The following TTLL6 variants were observed in gnomAD, a reference collection of about 807,000 sequenced individuals.
The protein encoded by TTLL6 is tubulin tyrosine ligase like 6, also known as tubulin polyglutamylase TTLL6.
In TTLL6, 75 loss-of-function variants were observed where a neutral mutation model predicts 96.4. That is an observed-to-expected ratio of 0.78 (90% CI 0.65 to 0.94). The LOEUF (loss-of-function observed/expected upper bound fraction) is 0.94, where lower values mean the gene tolerates loss of function less well. Ranked by LOEUF, TTLL6 falls within the 40% of genes least tolerant of loss-of-function variation. TTLL6 has a pLI of 0.00. For synonymous variants in TTLL6, 411 were observed against 419.4 expected (o/e 0.98, Z 0.24); for missense variants, 1,030 against 1,093.0 (o/e 0.94, Z 0.81).
chr17:48,770,510 G>GTTGTTATTATTATTATTA (rs1555563118), intron 13 of TTLL6, among the ~76,000 whole-genome samples: 7 of 147,812 alleles, frequency 4.7e-5, no homozygotes, highest in Admixed American at 1.4e-4. Flanking sequence ...TATTGTTGTT[G>GTTGTTATTATTATTATTA]TTATTATTAT....
chr17:48,796,148 TGG>T lies in TTLL6; in HGVS notation c.913-4_913-3del. The T allele has an allele frequency of 6.4e-7, 1 of 1,550,892 alleles. No homozygotes were observed. The highest frequency in any genetic ancestry group is 8.7e-7 in the Non-Finnish European group (1 of 1,146,450). On this transcript the variant is annotated splice_region_variant and splice_polypyrimidine_tract_variant and intron_variant, in intron 7 of 15. Coordinates refer to ENST00000393382, the MANE Select transcript of TTLL6 (RefSeq NM_001130918.3). Reference sequence around the variant, plus strand: ...AGTCAGGTGCATGCAGATATCATCCTGGGGAAAAAGACACACATCTGTCGGGT... The same window carrying T: ...AGTCAGGTGCATGCAGATATCATCCTGGAAAAAGACACACATCTGTCGGGT...
At chr17:48,797,262 T>A (rs2039333411) in intron 6 of TTLL6, 58 bp from the exon 7 acceptor site, 1 of 1,497,184 alleles carries the variant, frequency 6.7e-7, no homozygotes, top group South Asian at 1.3e-5. Flanking sequence ...CACTTGAAAA[T>A]CACTAGCTCC....
Position 48,788,003 on chromosome 17 carries a change from T to C in TTLL6, c.1401-4A>G. On this transcript the variant is annotated splice_region_variant and splice_polypyrimidine_tract_variant and intron_variant, in intron 10 of 15. Coordinates refer to ENST00000393382, the MANE Select transcript of TTLL6 (RefSeq NM_001130918.3). ...GAAACCCTTGGCTTCCTCAATCCTG[T>C]TGGGAAGCAGAACATGGGGCTGCTG... is the stretch of plus-strand genomic sequence containing the variant. 1.2e-6 allele frequency: 2 copies of C among 1,612,616 alleles called. No individual in the cohort carries two copies. Among genetic ancestry groups the C allele is most frequent in the Non-Finnish European group, 1.7e-6 (2 of 1,179,182 alleles).
intron 13 of TTLL6, among the ~76,000 whole-genome samples, chr17:48,775,760 C>T (rs1383313640): frequency 1.3e-5 from 2 of 152,054 alleles, no homozygotes; most frequent in Non-Finnish European, 2.9e-5. Flanking sequence ...AGGCTAGTCT[C>T]GACCTCCCAA....
intron 8 of TTLL6, among the ~76,000 whole-genome samples, chr17:48,793,770 T>C (rs545101846): frequency 4.8e-4 from 73 of 152,194 alleles, no homozygotes; most frequent in Admixed American, 4.1e-3. Context: ...AGTTTCCTAA[T>C]ATGCAGAATA....
intron 1 of TTLL6, among the ~76,000 whole-genome samples, chr17:48,814,126 T>G (rs1042762856): frequency 1.3e-5 from 2 of 151,896 alleles, no homozygotes; most frequent in Admixed American, 6.6e-5. Flanking sequence ...GGAGACCAAG[T>G]TGGCAAACAT....
chr17:48,814,134 C>T (rs2039631362), intron 1 of TTLL6, among the ~76,000 whole-genome samples: 1 of 151,950 alleles, frequency 6.6e-6, no homozygotes, highest in African/African-American at 2.4e-5. Context: ...AGTTGGCAAA[C>T]ATGGTGAAAC....
intron 13 of TTLL6, among the ~76,000 whole-genome samples, chr17:48,778,569 G>A (rs564267273): frequency 9.0e-4 from 136 of 151,668 alleles, no homozygotes; most frequent in Non-Finnish European, 1.5e-3. Context: ...GCTGAGGTGG[G>A]AGGATTGCTT....
intron 6 of TTLL6, among the ~76,000 whole-genome samples, chr17:48,799,022 T>G (rs114371005): frequency 0.016 from 2,399 of 152,200 alleles, 68 homozygotes; most frequent in African/African-American, 0.054. Flanking sequence ...GGTTTCGTCA[T>G]GTTTCCCAGG....
At chr17:48,801,204 T>C in intron 5 of TTLL6, 51 bp downstream of exon 5, 2 of 1,515,252 alleles carry the variant, frequency 1.3e-6, no homozygotes, top group Non-Finnish European at 1.8e-6. Flanking sequence ...CAAGAGGAAA[T>C]GTAAATGGGG....
intron 10 of TTLL6, among the ~76,000 whole-genome samples, chr17:48,789,266 T>C (rs1309237121): frequency 1.3e-5 from 2 of 152,218 alleles, no homozygotes; most frequent in African/African-American, 4.8e-5. Context: ...AGAGTAAAAC[T>C]ATTCAAACTG....
At chr17:48,799,889 A>G in intron 5 of TTLL6, 129 bp from the exon 6 acceptor site, 1 of 810,460 alleles carries the variant, frequency 1.2e-6, no homozygotes, top group Non-Finnish European at 1.9e-6. Flanking sequence ...ACAGATGCCC[A>G]GAGGTCCAGC....
intron 8 of TTLL6, among the ~76,000 whole-genome samples, chr17:48,793,977 G>C (rs2039274870): frequency 1.3e-5 from 2 of 152,150 alleles, no homozygotes; most frequent in African/African-American, 4.8e-5. Context: ...CACCCATTCT[G>C]GGAAATGCTG....
In TTLL6 at chr17:48,791,400, T is replaced by C. The variant is rs955035018; in HGVS notation, c.1202A>G (p.Lys401Arg). The C allele has an allele frequency of 1.2e-6, 2 of 1,613,980 alleles. No homozygotes were observed. Among genetic ancestry groups the C allele is most frequent in the Non-Finnish European group, 8.5e-7 (1 of 1,180,026 alleles). The change falls in exon 9 of 16, where the codon AAA (lysine) becomes AGA (arginine). Residue 401 changes from lysine (K) to arginine (R), a missense_variant. Transcript: ENST00000393382. ...TACCTCCAGCAGCCAGGGTTTGAGT[T>C]TGTGGTCCAACAAAATGTCAAAGCC... ...ILGFDILLDH[K>R]LKPWLLEVNH...
Position 48,796,067 on chromosome 17 carries a change from C to G in TTLL6, c.992G>C (p.Ser331Thr). The G allele has an allele frequency of 6.4e-7, 1 of 1,551,256 alleles. No homozygotes were observed. Among genetic ancestry groups the G allele is most frequent in the South Asian group, 1.2e-5 (1 of 84,008 alleles). ...SNFSRDAHSG[S>T]KRKLSTFSAY... Reference sequence around the variant, plus strand: ...AATGAAGCCTCTTCCTTACCTCTTACTGCCAGAGTGTGCATCTCGACTGAA... The same window carrying G: ...AATGAAGCCTCTTCCTTACCTCTTAGTGCCAGAGTGTGCATCTCGACTGAA... The change falls in exon 8 of 16, where the codon AGT (serine) becomes ACT (threonine). Residue 331 changes from serine (S) to threonine (T), a missense_variant. By Grantham distance (58) the Ser-to-Thr change is moderately conservative (BLOSUM62 1). Transcript: ENST00000393382.
At chr17:48,778,779 A>C (rs548712182) in intron 13 of TTLL6, among the ~76,000 whole-genome samples, 1 of 152,046 alleles carries the variant, frequency 6.6e-6, no homozygotes, top group East Asian at 1.9e-4. Context: ...AAAATACAAA[A>C]ATTAGCTGGG....
At chr17:48,797,653 G>C (rs538381428) in intron 6 of TTLL6, among the ~76,000 whole-genome samples, 21 of 152,018 alleles carry the variant, frequency 1.4e-4, no homozygotes, top group South Asian at 8.3e-4. Context: ...CAGGCGCGGT[G>C]GTGGGCCCCT....
intron 1 of TTLL6, among the ~76,000 whole-genome samples, chr17:48,807,212 C>T (rs930426318): frequency 4.6e-5 from 7 of 151,532 alleles, no homozygotes; most frequent in African/African-American, 1.5e-4. Context: ...CTCAGCCTCC[C>T]GAGTAGCTGG....
chr17:48,777,724 C>A (rs529377404), intron 13 of TTLL6, among the ~76,000 whole-genome samples: 1 of 142,142 alleles, frequency 7.0e-6, no homozygotes, highest in African/African-American at 2.5e-5. Flanking sequence ...GAGTGAGACT[C>A]CGTCTCAAAA....
Sources: allele counts gnomAD v4.1 joint callset (sites outside exome capture counted in the v4.1 genomes callset), GRCh38; gene constraint gnomAD v4.1.1; transcripts MANE v1.5; gene names NCBI Gene and HGNC (gene_info 2026-07-23, HGNC 2026-07-21).